ZNF100: variants seen among roughly 807,000 people sequenced by gnomAD.
ZNF100 encodes zinc finger protein 100, also known as zinc finger protein 100 (Y1).
A neutral mutation model predicts 15.8 loss-of-function variants in ZNF100; 12 were observed. That is an observed-to-expected ratio of 0.76 (90% CI 0.49 to 1.23). The LOEUF (loss-of-function observed/expected upper bound fraction) is 1.23, where lower values mean the gene tolerates loss of function less well. Ranked by LOEUF, ZNF100 falls within the 50% of genes most tolerant of loss-of-function variation. The pLI is 0.00. For synonymous variants in ZNF100, 226 were observed against 214.8 expected (o/e 1.05, Z -0.45); for missense variants, 670 against 635.6 (o/e 1.05, Z -0.58).
Position 21,722,835 on chromosome 19 carries a change from AT to A in ZNF100, c.*3847del, listed in dbSNP as rs1482126787. 6.6e-6 allele frequency: 1 copy of A among 151,394 alleles called. No individual in the cohort carries two copies. The highest frequency in any genetic ancestry group is 1.5e-5 in the Non-Finnish European group (1 of 67,864). The allele number at this position is 151,394 out of a possible 1,614,324, so 9.4% of individuals were successfully genotyped here. A position where few individuals can be genotyped will look rare whatever the true frequency, so the allele number is the denominator to read the frequency against. On this transcript the variant is annotated 3_prime_UTR_variant, in exon 5 of 5. Transcript: ENST00000358296. ...TTACATAATAAAAAATAAATTTAAA[AT>A]TGTTCACTTACCATTAACTCTTAAA...
intron 4 of ZNF100, among the ~76,000 whole-genome samples, chr19:21,739,400 C>G (rs984958209): frequency 6.6e-6 from 1 of 152,032 alleles, no homozygotes; most frequent in African/African-American, 2.4e-5. Flanking sequence ...TAGAAATAAT[C>G]AAAAAATTAG....
At position 21,725,971 on chromosome 19, in the gene ZNF100, G is replaced by C. The variant is rs535344505; in HGVS notation, c.*712C>G. Reference sequence around the variant, plus strand: ...TTTCTAAGCTGTAGTTTTTGAAAAAGTATTTTTCCAACTTTATTACATTCG... The same window carrying C: ...TTTCTAAGCTGTAGTTTTTGAAAAACTATTTTTCCAACTTTATTACATTCG... On this transcript the variant is annotated 3_prime_UTR_variant, in exon 5 of 5. Transcript: ENST00000358296. The C allele has an allele frequency of 7.0e-6, 1 of 143,778 alleles. No individual in the cohort carries two copies. The highest frequency in any genetic ancestry group is 2.5e-5 in the African/African-American group (1 of 39,998). The allele number at this position is 143,778 out of a possible 1,614,324, so 8.9% of individuals were successfully genotyped here.
intron 4 of ZNF100, among the ~76,000 whole-genome samples, chr19:21,743,628 G>GA (rs2036158011): frequency 1.3e-5 from 2 of 151,948 alleles, no homozygotes; most frequent in African/African-American, 4.8e-5. Context: ...CAGACATGAT[G>GA]AAAAAAGAGA....
At chr19:21,765,889 G>T in intron 1 of ZNF100, 103 bp from the exon 2 acceptor site, 3 of 1,212,382 alleles carry the variant, frequency 2.5e-6, no homozygotes, top group South Asian at 2.6e-5. Context: ...TGAAACCCAG[G>T]ACCAGGAAAA....
At chr19:21,743,937 AACCACATTTTAATG>A in intron 4 of ZNF100, 66 bp downstream of exon 4, 2 of 1,411,454 alleles carry the variant, frequency 1.4e-6, no homozygotes, top group South Asian at 3.0e-5. Context: ...TAGCTTCCCA[AACCACATTTTAATG>A]ACCAGCTTTC....
intron 4 of ZNF100, among the ~76,000 whole-genome samples, chr19:21,739,518 T>C (rs1244515471): frequency 6.6e-6 from 1 of 152,178 alleles, no homozygotes; most frequent in East Asian, 1.9e-4. Context: ...ATTATGACAC[T>C]ATACTCCAGC....
intron 2 of ZNF100, among the ~76,000 whole-genome samples, chr19:21,762,638 G>C (rs947912162): frequency 6.6e-6 from 1 of 152,130 alleles, no homozygotes; most frequent in African/African-American, 2.4e-5. Flanking sequence ...TCAGCATGAA[G>C]TAGTAACAGA....
intron 4 of ZNF100, 34 bp from the exon 5 acceptor site, chr19:21,728,023 T>C (rs778238589): frequency 2.7e-6 from 4 of 1,455,858 alleles, no homozygotes; most frequent in Non-Finnish European, 3.6e-6. Context: ...TTACTTTACT[T>C]ACTAGACACA....
intron 4 of ZNF100, among the ~76,000 whole-genome samples, chr19:21,740,847 T>C (rs137892663): frequency 4.9e-4 from 75 of 152,316 alleles, no homozygotes; most frequent in African/African-American, 1.8e-3. Flanking sequence ...GTCATTATTT[T>C]AAAATGTTAC....
intron 2 of ZNF100, chr19:21,751,134 C>G: frequency 1.4e-6 from 2 of 1,390,464 alleles, no homozygotes; most frequent in Non-Finnish European, 2.0e-6. Context: ...AATCTCAAAC[C>G]GATGTGCGAG....
chr19:21,733,627 C>T (rs1455845134), intron 4 of ZNF100, among the ~76,000 whole-genome samples: 1 of 152,272 alleles, frequency 6.6e-6, no homozygotes. Context: ...TAGTCTTTCC[C>T]CCTGCTGGCT....
intron 2 of ZNF100, among the ~76,000 whole-genome samples, chr19:21,754,065 C>G (rs6511289): frequency 4.6e-5 from 7 of 152,366 alleles, no homozygotes; most frequent in Admixed American, 4.6e-4. Flanking sequence ...CTCCTACTTA[C>G]TCAAATCTAA....
At chr19:21,750,970 G>C (rs1199963029) in intron 2 of ZNF100, 2 of 1,011,454 alleles carry the variant, frequency 2.0e-6, no homozygotes, top group Admixed American at 2.6e-5. Flanking sequence ...ATGCGGTGGC[G>C]GTAGCGCCCG....
chr19:21,745,384 TA>T (rs1418906344), intron 2 of ZNF100, among the ~76,000 whole-genome samples: 1 of 152,232 alleles, frequency 6.6e-6, no homozygotes, highest in Non-Finnish European at 1.5e-5. Flanking sequence ...GAGTTGTGTA[TA>T]TTTTTCAGAC....
chr19:21,725,738 T>C lies in ZNF100; in HGVS notation c.*945A>G, dbSNP rs2035769094. On this transcript the variant is annotated 3_prime_UTR_variant, in exon 5 of 5. Coordinates refer to ENST00000358296, the MANE Select transcript of ZNF100 (RefSeq NM_173531.4). ...TGCAATAACTGCAAAAAATTTCTAC[T>C]TTTAAAGTTATATACAAATATTTTA... 6.6e-6 allele frequency: 1 copy of C among 152,148 alleles called. No homozygotes were observed. The highest frequency in any genetic ancestry group is 2.1e-4 in the South Asian group (1 of 4,832). 9.4% of individuals were successfully genotyped at this position (152,148 alleles called of 1,614,324 possible).
At position 21,749,305 on chromosome 19, in the gene ZNF100, A is replaced by C. The variant is rs183158177; in HGVS notation, c.97-4238T>G. Among the ~76,000 whole-genome samples, 68 of 150,554 alleles carry C rather than the reference A, an allele frequency of 4.5e-4. 1 individual carries two copies. The Middle Eastern group carries it at 0.01, about 23-fold the overall frequency. On this transcript the variant is annotated intron_variant, in intron 2 of 4. Transcript: ENST00000358296. ...GAGTATGAAGGGAGAAAAAAAAAAA[A>C]CAGAATGACTCATTTCTCTTACACC...
chr19:21,757,585 T>C (rs543384001), intron 2 of ZNF100, among the ~76,000 whole-genome samples: 89 of 152,316 alleles, frequency 5.8e-4, no homozygotes, highest in African/African-American at 2.1e-3. Context: ...AGAATTACCA[T>C]CGGACCCAGC....
Position 21,724,835 on chromosome 19 carries a change from T to G in ZNF100, c.*1848A>C, listed in dbSNP as rs2035747194. The G allele has an allele frequency of 6.6e-6, 1 of 152,120 alleles. No homozygotes were observed. The highest frequency in any genetic ancestry group is 1.5e-5 in the Non-Finnish European group (1 of 68,024). 9.4% of individuals were successfully genotyped at this position (152,120 alleles called of 1,614,324 possible). On this transcript the variant is annotated 3_prime_UTR_variant, in exon 5 of 5. Transcript: ENST00000358296. ...GGGAAGCCGAGGCAGGCAAATCATT[T>G]AAGGTCAGGAGTTCGAGACCAGCTT... is the stretch of plus-strand genomic sequence containing the variant.
chr19:21,759,036 G>C lies in ZNF100; in HGVS notation c.96+6658C>G, dbSNP rs80281831. On this transcript the variant is annotated intron_variant, in intron 2 of 4. Coordinates refer to ENST00000358296, the MANE Select transcript of ZNF100 (RefSeq NM_173531.4). ...AGCACCAACTCAATGTCTAACATTC[G>C]AATTCTGACACCATGCAGAGTCAGC... is the stretch of plus-strand genomic sequence containing the variant. 8.5e-5 allele frequency among the ~76,000 whole-genome samples: 13 copies of C among 152,208 alleles called. No individual in the cohort carries two copies. The East Asian group carries it at 2.5e-3, about 29-fold the overall frequency.
Sources: gnomAD v4.1 joint callset for allele counts (sites outside exome capture counted in the v4.1 genomes callset) on GRCh38, gnomAD v4.1.1 for gene constraint, MANE v1.5 for transcripts, NCBI Gene and HGNC (gene_info 2026-07-23, HGNC 2026-07-21) for gene names.